IFT140: variants seen among roughly 807,000 people sequenced by gnomAD.
IFT140 encodes intraflagellar transport 140, also known as intraflagellar transport protein 140 homolog.
In IFT140, 133 loss-of-function variants were observed where a neutral mutation model predicts 164.6. That is an observed-to-expected ratio of 0.81 (90% CI 0.70 to 0.93). The LOEUF (loss-of-function observed/expected upper bound fraction) is 0.93, where lower values mean the gene tolerates loss of function less well. Ranked by LOEUF, IFT140 falls within the 40% of genes least tolerant of loss-of-function variation. IFT140 has a pLI of 0.00. For missense variants in IFT140, 2,045 were observed against 1,972.3 expected (o/e 1.04, Z -0.70); for synonymous variants, 860 against 817.3 (o/e 1.05, Z -0.89).
intron 19 of IFT140, chr16:1,541,017 G>C: frequency 2.0e-6 from 2 of 985,388 alleles, no homozygotes. Context: ...ATTTGCGGGA[G>C]AACATTTCTC....
At chr16:1,541,880 C>G in intron 19 of IFT140, 1 of 1,514,680 alleles carries the variant, frequency 6.6e-7, no homozygotes, top group Non-Finnish European at 8.9e-7. Flanking sequence ...CCTCTGGAGC[C>G]CACCTGCACT....
chr16:1,594,214 A>G (rs2035335840), intron 4 of IFT140, among the ~76,000 whole-genome samples: 1 of 151,132 alleles, frequency 6.6e-6, no homozygotes, highest in South Asian at 2.1e-4. Context: ...CATTTTATAA[A>G]AAAAGTTTTT....
Position 1,587,968 on chromosome 16 carries a change from G to T in IFT140, c.867C>A (p.Ser289Arg). 4.3e-6 allele frequency: 7 copies of T among 1,613,658 alleles called. No individual in the cohort carries two copies. Among genetic ancestry groups the T allele is most frequent in the Middle Eastern group, 3.3e-4 (2 of 6,060 alleles). ...CCTCCCCGACGGCCATCACGAGAAG[G>T]CTGCCTTCAATCAAAGCGATGTCTG... ...RRADIALIEG[S>R]LLVMAVGEAA... Residue 289 changes from serine (S) to arginine (R), a missense_variant, in exon 8 of 31, where the codon AGC becomes AGA. Coordinates refer to ENST00000426508, the MANE Select transcript of IFT140 (RefSeq NM_014714.4).
At chr16:1,607,879 A>C (rs1394368600) in intron 2 of IFT140, among the ~76,000 whole-genome samples, 1 of 152,242 alleles carries the variant, frequency 6.6e-6, no homozygotes, top group Non-Finnish European at 1.5e-5. Flanking sequence ...CCCCTGGCTC[A>C]GGTAATCCTC....
intron 19 of IFT140, among the ~76,000 whole-genome samples, chr16:1,546,295 G>A (rs931178120): frequency 1.3e-5 from 2 of 152,226 alleles, no homozygotes; most frequent in African/African-American, 2.4e-5. Context: ...AGGCTCCCTG[G>A]CACTCTCCGG....
chr16:1,548,061 C>A (rs559924919), intron 19 of IFT140, among the ~76,000 whole-genome samples: 23 of 152,244 alleles, frequency 1.5e-4, no homozygotes, highest in Non-Finnish European at 2.8e-4. Flanking sequence ...TCCCTTCCAA[C>A]TTTGGCTGTT....
At chr16:1,577,496 G>C (rs1446079291) in intron 13 of IFT140, 1 of 152,154 alleles carries the variant, frequency 6.6e-6, no homozygotes, top group Non-Finnish European at 1.5e-5. Context: ...ACAGTTATAT[G>C]GGGATTTTCA....
Position 1,523,528 on chromosome 16 carries a change from G to C in IFT140, c.3443C>G (p.Ala1148Gly). Reference sequence around the variant, plus strand: ...CCGCTGGCCCCGTACCTTCCTGGCAGCCAGCAGCAGCTCTACCGCCCTCTC... The same window carrying C: ...CCGCTGGCCCCGTACCTTCCTGGCACCCAGCAGCAGCTCTACCGCCCTCTC... Reference protein sequence around the residue: ...QYERAVELLLAARKYQEALQL... With the variant: ...QYERAVELLLGARKYQEALQL... Residue 1148 changes from alanine (A) to glycine (G), a missense_variant, in exon 26 of 31, where the codon GCT becomes GGT. Physicochemically the swap from Ala to Gly is moderately conservative, Grantham distance 60. Coordinates refer to ENST00000426508, the MANE Select transcript of IFT140 (RefSeq NM_014714.4). 3.1e-6 allele frequency: 5 copies of C among 1,611,154 alleles called. No homozygotes were observed. The highest frequency in any genetic ancestry group is 4.2e-6 in the Non-Finnish European group (5 of 1,179,634).
chr16:1,557,652 C>T (rs1689524300), intron 19 of IFT140: 4 of 378,428 alleles, frequency 1.1e-5, no homozygotes, highest in Admixed American at 8.4e-5. Context: ...GCAATTATTC[C>T]CAGAGGGATG....
At chr16:1,529,203 G>A (rs1596311494) in intron 19 of IFT140, among the ~76,000 whole-genome samples, 1 of 152,350 alleles carries the variant, frequency 6.6e-6, no homozygotes, top group East Asian at 1.9e-4. Flanking sequence ...GCGGGCAGGT[G>A]CATGTGTCTT....
chr16:1,568,235 G>T lies in IFT140; in HGVS notation c.1752C>A (p.Ile584=). Residue 584 remains isoleucine, a synonymous_variant, in exon 15 of 31, where the codon ATC becomes ATA. Coordinates refer to ENST00000426508, the MANE Select transcript of IFT140 (RefSeq NM_014714.4). Reference sequence around the variant, plus strand: ...GCCTCACCTTGCTGGGGAGGATGCTGATGGTGCTCCCGCTGCTGCTGCACC... The same window carrying T: ...GCCTCACCTTGCTGGGGAGGATGCTTATGGTGCTCCCGCTGCTGCTGCACC... ...SLRCSSSGST[I]SILPSKADNS... is the part of the protein sequence containing the mutation. 1 of 1,606,014 alleles carries T rather than the reference G, an allele frequency of 6.2e-7. No homozygotes were observed.
chr16:1,539,378 G>A (rs1596327202), intron 19 of IFT140, among the ~76,000 whole-genome samples: 2 of 152,362 alleles, frequency 1.3e-5, no homozygotes, highest in South Asian at 2.1e-4. Flanking sequence ...CAAGTTGCAC[G>A]GTGCCAGGCT....
intron 18 of IFT140, among the ~76,000 whole-genome samples, chr16:1,560,413 C>T (rs1425691864): frequency 1.3e-5 from 2 of 152,352 alleles, no homozygotes; most frequent in East Asian, 3.9e-4. Context: ...CATCACTGCA[C>T]ACAAGGTTCC....
chr16:1,541,928 C>T lies in IFT140; in HGVS notation c.2400-15132G>A, dbSNP rs369163612. Reference sequence around the variant, plus strand: ...TCTGCTCTTGGCCCACAGTGCAGTTCGACATGATGCGCGCCTGCAACCTGG... The same window carrying T: ...TCTGCTCTTGGCCCACAGTGCAGTTTGACATGATGCGCGCCTGCAACCTGG... On this transcript the variant is annotated intron_variant, in intron 19 of 30. Transcript: ENST00000426508. 1.4e-5 allele frequency: 23 copies of T among 1,600,954 alleles called. No individual in the cohort carries two copies. In the South Asian group the frequency reaches 1.5e-4, roughly 10 times the overall value.
intron 22 of IFT140, 47 bp downstream of exon 22, chr16:1,525,184 C>T: frequency 2.0e-6 from 3 of 1,473,268 alleles, no homozygotes; most frequent in Non-Finnish European, 2.8e-6. Context: ...TCCCTGCAAA[C>T]CTCCAGGATG....
chr16:1,586,100 G>C, intron 10 of IFT140, 30 bp downstream of exon 10: 1 of 1,607,086 alleles, frequency 6.2e-7, no homozygotes, highest in African/African-American at 1.3e-5. Flanking sequence ...AGCAGAAAAT[G>C]AGTGCACCGA....
At position 1,562,084 on chromosome 16, in the gene IFT140, G is replaced by A. The variant is rs759195634; in HGVS notation, c.2100C>T (p.Ser700=). The part of the protein sequence containing the change: ...ADVLILSFFI[S]EEHGFLLHES... ...CATGAAGCAGGAAGCCGTGCTCTTCGGAAATGAAGAAGGACAGGATCAAAA... is the reference window on the plus strand; with the variant it reads ...CATGAAGCAGGAAGCCGTGCTCTTCAGAAATGAAGAAGGACAGGATCAAAA... The change falls in exon 18 of 31, where the codon TCC becomes TCT. Residue 700 remains serine, a synonymous_variant. Coordinates refer to ENST00000426508, the MANE Select transcript of IFT140 (RefSeq NM_014714.4). The A allele has an allele frequency of 1.5e-5, 24 of 1,611,390 alleles. No individual in the cohort carries two copies. Among genetic ancestry groups the A allele is most frequent in the South Asian group, 4.4e-5 (4 of 90,400 alleles).
chr16:1,541,310 A>G, intron 19 of IFT140: 2 of 985,204 alleles, frequency 2.0e-6, no homozygotes, highest in Non-Finnish European at 2.4e-6. Context: ...ACTGGTTCAG[A>G]CCCATGTCTG....
Position 1,586,276 on chromosome 16 carries a change from C to T in IFT140, c.1010-1G>A, listed in dbSNP as rs770185023. On this transcript the variant is annotated splice_acceptor_variant, in intron 9 of 30. Coordinates refer to ENST00000426508, the MANE Select transcript of IFT140 (RefSeq NM_014714.4). LOFTEE classifies it high-confidence loss of function. ...CTGTCGGTACCAGCGGCCAGAAGACCTACAGGTAGAAACAAACTGCATGTG... is the reference window on the plus strand; with the variant it reads ...CTGTCGGTACCAGCGGCCAGAAGACTTACAGGTAGAAACAAACTGCATGTG... 1.1e-4 allele frequency: 184 copies of T among 1,610,716 alleles called. No individual in the cohort carries two copies. Among genetic ancestry groups the T allele is most frequent in the Non-Finnish European group, 1.5e-4 (176 of 1,178,622 alleles).
Sources: allele counts gnomAD v4.1 joint callset (sites outside exome capture counted in the v4.1 genomes callset), GRCh38; gene constraint gnomAD v4.1.1; transcripts MANE v1.5; gene names NCBI Gene and HGNC (gene_info 2026-07-23, HGNC 2026-07-21).